Variants in FAM199X observed in about 807,000 individuals in gnomAD.
FAM199X encodes family with sequence similarity 199, X-linked.
A neutral mutation model predicts 22.9 loss-of-function variants in FAM199X; 4 were observed. The observed-to-expected ratio is 0.17, with a 90% CI of 0.09 to 0.40. The LOEUF is 0.40. Among genes scored for constraint, FAM199X ranks in the 10% least tolerant of loss-of-function variants. FAM199X has a pLI of 1.00. For synonymous variants in FAM199X, 101 were observed against 112.3 expected (o/e 0.90, Z 0.64); for missense variants, 183 against 306.8 (o/e 0.60, Z 3.01).
In FAM199X at chrX:104,190,053, A is replaced by G. The variant is rs1921898945; in HGVS notation, c.*275A>G. ...TTGTTTTTTTAACAAGTGCTGGGTT[A>G]TTCTGATGCACAGTCTAGTTTAAGA... On this transcript the variant is annotated 3_prime_UTR_variant, in exon 6 of 6. Coordinates refer to ENST00000493442, the MANE Select transcript of FAM199X (RefSeq NM_207318.4). 3.6e-6 allele frequency: 1 copy of G among 273,974 alleles called. No individual in the cohort carries two copies. The highest frequency in any genetic ancestry group is 5.9e-5 in the Admixed American group (1 of 16,863). 22.6% of individuals were successfully genotyped at this position (273,974 alleles called of 1,213,427 possible).
intron 5 of FAM199X, among the ~76,000 whole-genome samples, chrX:104,188,855 C>T (rs533039832): frequency 1.8e-5 from 2 of 110,714 alleles, no homozygotes; most frequent in African/African-American, 6.6e-5. Context: ...TAGAATGGTC[C>T]TGTGGCTTAG....
intron 1 of FAM199X, among the ~76,000 whole-genome samples, chrX:104,174,427 A>T (rs1921438576): frequency 2.7e-5 from 3 of 111,670 alleles, no homozygotes; most frequent in African/African-American, 9.8e-5. Context: ...GTATAAATTG[A>T]TGCTGCCTTT....
At chrX:104,164,860 A>G (rs1602511161), upstream of FAM199X, among the ~76,000 whole-genome samples, 1 of 111,865 alleles carries the variant, frequency 8.9e-6, no homozygotes, top group East Asian at 2.8e-4. Flanking sequence ...AGCCTGAGCG[A>G]CAGAGCAAGA....
intron 2 of FAM199X, 55 bp downstream of exon 2, chrX:104,175,897 CTT>C (rs1921478203): frequency 1.1e-6 from 1 of 891,791 alleles, no homozygotes; most frequent in Non-Finnish European, 1.6e-6. Context: ...GAAGTATAAA[CTT>C]TTCTTTTGAT....
chrX:104,188,314 G>A lies in FAM199X; in HGVS notation c.996+8G>A, dbSNP rs1556379647. 16 of 1,209,720 alleles carry A rather than the reference G, an allele frequency of 1.3e-5. No individual in the cohort carries two copies. In the South Asian group the frequency reaches 2.1e-4, roughly 16 times the overall value. ...CGGATTCGGGATTCAAAAGTAAAAC[G>A]TCTAATCAATACAAAACTTTACCTT... On this transcript the variant is annotated splice_region_variant and intron_variant, in intron 5 of 5. Transcript: ENST00000493442.
At chrX:104,179,700 G>A (rs144910158) in intron 2 of FAM199X, among the ~76,000 whole-genome samples, 1,674 of 110,859 alleles carry the variant, frequency 0.015, 19 homozygotes, top group African/African-American at 0.051. Flanking sequence ...GTGAAAGTGA[G>A]CATCCTTGTC....
chrX:104,160,496 A>T, the FAM199X span, among the ~76,000 whole-genome samples: 1 of 112,722 alleles, frequency 8.9e-6, no homozygotes, highest in Non-Finnish European at 1.9e-5. Flanking sequence ...TGGTTGCTAT[A>T]TGTTTGTTGA....
chrX:104,165,766 C>T (rs1921155273), upstream of FAM199X, among the ~76,000 whole-genome samples: 1 of 111,049 alleles, frequency 9.0e-6, no homozygotes, highest in Non-Finnish European at 1.9e-5. Context: ...ACAAGTTAAG[C>T]TCCATAATAT....
chrX:104,182,641 A>G (rs1921689862), intron 2 of FAM199X, among the ~76,000 whole-genome samples: 1 of 110,989 alleles, frequency 9.0e-6, no homozygotes, highest in Non-Finnish European at 1.9e-5. Flanking sequence ...TCCATCTATG[A>G]CTTTACTAAA....
rs781973592 is a variant in FAM199X, at chrX:104,193,088, G to A, written c.*3310G>A. On this transcript the variant is annotated 3_prime_UTR_variant, in exon 6 of 6. Transcript: ENST00000493442. ...TATAGCCTCATGTGCCTTAAAGGTG[G>A]TGAACTCTAGTTTTTGTCAATATCA... The A allele has an allele frequency of 7.6e-4, 85 of 111,365 alleles. No homozygotes were observed. The highest frequency in any genetic ancestry group is 4.7e-3 in the Middle Eastern group (1 of 215). 9.2% of individuals were successfully genotyped at this position (111,365 alleles called of 1,213,427 possible).
the FAM199X span, among the ~76,000 whole-genome samples, chrX:104,160,577 G>A: frequency 1.8e-5 from 2 of 112,010 alleles, no homozygotes; most frequent in African/African-American, 6.5e-5. Context: ...AGCATGCTCC[G>A]ATTAGTCTAG....
rs782037944 is a variant in FAM199X, at chrX:104,188,056, A to G, written c.746A>G (p.Lys249Arg). 8.3e-7 allele frequency: 1 copy of G among 1,211,530 alleles called. No individual in the cohort carries two copies. Among genetic ancestry groups the G allele is most frequent in the Non-Finnish European group, 1.1e-6 (1 of 895,176 alleles). The part of the protein sequence containing the change: ...EKLKQVRNYI[K>R]EHSPRQRPAR... ...CATCCCAAGGTCAGAAACTATATCA[A>G]GGAACATAGCCCTCGCCAACGGCCT... The change falls in exon 5 of 6, where the codon AAG becomes AGG. Residue 249 changes from lysine (K) to arginine (R), a missense_variant. Coordinates refer to ENST00000493442, the MANE Select transcript of FAM199X (RefSeq NM_207318.4).
chrX:104,180,402 C>A (rs1361700807), intron 2 of FAM199X, among the ~76,000 whole-genome samples: 1 of 103,092 alleles, frequency 9.7e-6, no homozygotes, highest in African/African-American at 3.6e-5. Context: ...AGAAATATTT[C>A]TTCTGCTTAT....
In FAM199X at chrX:104,195,199, A is replaced by G. The variant is rs1556381331; in HGVS notation, c.*5421A>G. ...TTTTGGTTAAGAACTCTTATAATAT[A>G]TTATTTCTTTTGATGTACCCTGAGT... On this transcript the variant is annotated 3_prime_UTR_variant, in exon 6 of 6. Transcript: ENST00000493442. 2.7e-5 allele frequency: 3 copies of G among 110,817 alleles called. No homozygotes were observed. 9.1% of individuals were successfully genotyped at this position (110,817 alleles called of 1,213,427 possible). A position where few individuals can be genotyped will look rare whatever the true frequency, so the allele number is the denominator to read the frequency against.
chrX:104,182,762 T>G (rs932291813), intron 2 of FAM199X, among the ~76,000 whole-genome samples: 6 of 111,767 alleles, frequency 5.4e-5, no homozygotes, highest in Non-Finnish European at 1.1e-4. Flanking sequence ...TGAGGGATTG[T>G]GCTGCTTTTT....
At chrX:104,167,259 C>T (rs377453858) in intron 1 of FAM199X, among the ~76,000 whole-genome samples, 6 of 102,666 alleles carry the variant, frequency 5.8e-5, no homozygotes, top group South Asian at 9.7e-4. Context: ...TCCCTTCCCT[C>T]CCCCCATCTG....
At chrX:104,185,202 C>T (rs989998704) in intron 2 of FAM199X, among the ~76,000 whole-genome samples, 12 of 108,855 alleles carry the variant, frequency 1.1e-4, no homozygotes, top group African/African-American at 2.7e-4. Flanking sequence ...CTACTTTGCC[C>T]GGCCTTAATT....
chrX:104,180,309 T>C (rs868906540), intron 2 of FAM199X, among the ~76,000 whole-genome samples: 3,498 of 105,071 alleles, frequency 0.033, 142 homozygotes, highest in African/African-American at 0.12. Context: ...TTTTTTTTTT[T>C]CTCAGTACAG....
chrX:104,178,620 C>A (rs1556377048), intron 2 of FAM199X, among the ~76,000 whole-genome samples: 1 of 111,581 alleles, frequency 9.0e-6, no homozygotes, highest in African/African-American at 3.3e-5. Flanking sequence ...CCAGTTGTCC[C>A]AGCACCATTT....
Sources: allele counts gnomAD v4.1 joint callset (sites outside exome capture counted in the v4.1 genomes callset), GRCh38; gene constraint gnomAD v4.1.1; transcripts MANE v1.5; gene names NCBI Gene and HGNC (gene_info 2026-07-23, HGNC 2026-07-21).